Variants in NETO2 observed in about 807,000 individuals in gnomAD.
NETO2 encodes neuropilin and tolloid-like protein 2.
NETO2 carries 28 observed loss-of-function variants against 62.5 expected under a neutral mutation model. That is an observed-to-expected ratio of 0.45 (90% CI 0.33 to 0.61). NETO2 has a LOEUF of 0.61. Ranked by LOEUF, NETO2 falls within the 20% of genes least tolerant of loss-of-function variation. The pLI is 0.02. For missense variants in NETO2, 548 were observed against 643.2 expected, an observed-to-expected ratio of 0.85 and a Z score of 1.60; for synonymous variants, 214 against 219.1, an observed-to-expected ratio of 0.98 and a Z score of 0.21.
intron 6 of NETO2, among the ~76,000 whole-genome samples, chr16:47,114,474 G>T (rs1963869571): frequency 1.2e-5 from 1 of 81,148 alleles, no homozygotes. Flanking sequence ...TTTTTGAGAT[G>T]GAGTCTCGCT....
chr16:47,083,691 C>T lies in NETO2; in HGVS notation c.1108G>A (p.Val370Met). ...ATGACCTTTTTTCGAGGCTGTTTCA[C>T]TTGTACTAAAATAGAAATAATGAGA... ...VLLIISILVQ[V>M]KQPRKKVMAC... Residue 370 changes from valine (V) to methionine (M), a missense_variant, in exon 9 of 9, where the codon GTG becomes ATG. Physicochemically the swap from Val to Met is conservative, Grantham distance 21. Coordinates refer to ENST00000562435, the MANE Select transcript of NETO2 (RefSeq NM_018092.5). 1 of 1,614,164 alleles carries T rather than the reference C, an allele frequency of 6.2e-7. No individual in the cohort carries two copies. The highest frequency in any genetic ancestry group is 8.5e-7 in the Non-Finnish European group (1 of 1,180,014).
chr16:47,140,135 C>A (rs933360981), intron 1 of NETO2, among the ~76,000 whole-genome samples: 5 of 152,176 alleles, frequency 3.3e-5, no homozygotes, highest in African/African-American at 9.7e-5. Flanking sequence ...ACTGAGAGGG[C>A]AAGGCCTCCC....
intron 4 of NETO2, among the ~76,000 whole-genome samples, chr16:47,125,448 C>A (rs1050701442): frequency 2.6e-5 from 4 of 151,756 alleles, no homozygotes; most frequent in African/African-American, 9.7e-5. Flanking sequence ...CAGGTTCAAG[C>A]GATTCTCCTG....
intron 1 of NETO2, among the ~76,000 whole-genome samples, chr16:47,140,597 C>A (rs949729244): frequency 6.6e-6 from 1 of 152,076 alleles, no homozygotes; most frequent in East Asian, 1.9e-4. Context: ...TACAAAAAAA[C>A]CATTATTTAA....
chr16:47,083,444 G>A lies in NETO2; in HGVS notation c.1355C>T (p.Thr452Ile), dbSNP rs761308895. The change falls in exon 9 of 9, where the codon ACC (threonine) becomes ATC (isoleucine). Residue 452 changes from threonine to isoleucine, a missense_variant. By Grantham distance (89) the Thr-to-Ile change is moderately conservative. Coordinates refer to ENST00000562435, the MANE Select transcript of NETO2 (RefSeq NM_018092.5). ...AGGAAGTTCCATGGAACTGAGGTTG[G>A]TCCTGCTTTGTTTGACGCTGGAGGC... is the stretch of plus-strand genomic sequence containing the variant. ...SQASSVKQSR[T>I]NLSSMELPFR... The A allele has an allele frequency of 1.1e-5, 18 of 1,614,100 alleles. No homozygotes were observed. The highest frequency in any genetic ancestry group is 1.5e-5 in the Non-Finnish European group (18 of 1,180,052).
At chr16:47,131,882 A>G in intron 2 of NETO2, 87 bp downstream of exon 2, 1 of 1,115,534 alleles carries the variant, frequency 9.0e-7, no homozygotes, top group Non-Finnish European at 1.4e-6. Context: ...AGGGATTATG[A>G]AAATAGTACC....
intron 2 of NETO2, among the ~76,000 whole-genome samples, chr16:47,130,789 C>T (rs1964249793): frequency 6.6e-6 from 1 of 152,100 alleles, no homozygotes; most frequent in Non-Finnish European, 1.5e-5. Flanking sequence ...CATTTGTGTG[C>T]TTTTGTTCCA....
At chr16:47,094,263 ATTT>A (rs35543379) in intron 7 of NETO2, among the ~76,000 whole-genome samples, 3 of 137,748 alleles carry the variant, frequency 2.2e-5, no homozygotes, top group South Asian at 2.3e-4. Flanking sequence ...TATCACTTGG[ATTT>A]TTTTTTTTTT....
intron 6 of NETO2, among the ~76,000 whole-genome samples, chr16:47,112,758 G>A (rs1309268854): frequency 6.6e-6 from 1 of 152,114 alleles, no homozygotes; most frequent in East Asian, 1.9e-4. Flanking sequence ...TTTATTAAAA[G>A]CAATACAACA....
intron 1 of NETO2, among the ~76,000 whole-genome samples, chr16:47,133,893 T>C (rs555135709): frequency 2.0e-5 from 3 of 152,364 alleles, no homozygotes; most frequent in Admixed American, 6.5e-5. Flanking sequence ...TTCTGTGTTT[T>C]AGACCAATAA....
At chr16:47,089,429 A>G (rs1963266428) in intron 7 of NETO2, among the ~76,000 whole-genome samples, 1 of 152,216 alleles carries the variant, frequency 6.6e-6, no homozygotes, top group Non-Finnish European at 1.5e-5. Flanking sequence ...AATACAGTGT[A>G]TCTCAGACTT....
chr16:47,090,922 T>G (rs1010222340), intron 7 of NETO2, among the ~76,000 whole-genome samples: 5 of 151,904 alleles, frequency 3.3e-5, no homozygotes, highest in African/African-American at 1.2e-4. Flanking sequence ...GAACTGAATC[T>G]CTCATGCAGA....
Position 47,083,681 on chromosome 16 carries a change from G to T in NETO2, c.1118C>A (p.Pro373His). Residue 373 changes from proline to histidine, a missense_variant, in exon 9 of 9, where the codon CCT (proline) becomes CAT (histidine). Coordinates refer to ENST00000562435, the MANE Select transcript of NETO2 (RefSeq NM_018092.5). ...IISILVQVKQ[P>H]RKKVMACKTA... ...TTTGCAAGCCATGACCTTTTTTCGA[G>T]GCTGTTTCACTTGTACTAAAATAGA... is the stretch of plus-strand genomic sequence containing the variant. 1 of 1,614,084 alleles carries T rather than the reference G, an allele frequency of 6.2e-7. No homozygotes were observed. The highest frequency in any genetic ancestry group is 1.1e-5 in the South Asian group (1 of 91,076).
At chr16:47,138,999 C>A (rs1334307143) in intron 1 of NETO2, among the ~76,000 whole-genome samples, 1 of 152,186 alleles carries the variant, frequency 6.6e-6, no homozygotes, top group Non-Finnish European at 1.5e-5. Flanking sequence ...TTCCCAATTT[C>A]TAAATAAGCG....
rs770712047 is a variant in NETO2 at position 47,128,561 on chromosome 16, T to G, written c.245A>C (p.Gln82Pro). 1 of 1,611,738 alleles carries G rather than the reference T, an allele frequency of 6.2e-7. No individual in the cohort carries two copies. Among genetic ancestry groups the G allele is most frequent in the Non-Finnish European group, 8.5e-7 (1 of 1,179,598 alleles). ...TTCATCAAAGGTCAACTCTATTCTT[T>G]GACGTGGAGCAGCTAGAAAATAAGA... ...CIYILEAAPR[Q>P]RIELTFDEHY... The change falls in exon 4 of 9, where the codon CAA becomes CCA. Residue 82 changes from glutamine to proline, a missense_variant. Physicochemically the swap from Gln to Pro is moderately conservative, Grantham distance 76 (BLOSUM62 -1). Transcript: ENST00000562435.
At chr16:47,131,894 A>G in intron 2 of NETO2, 75 bp downstream of exon 2, 1 of 1,245,212 alleles carries the variant, frequency 8.0e-7, no homozygotes, top group Non-Finnish European at 1.2e-6. Flanking sequence ...AATAGTACCC[A>G]AAAGTTGCAA....
intron 6 of NETO2, among the ~76,000 whole-genome samples, chr16:47,121,817 T>C (rs1964046145): frequency 6.6e-6 from 1 of 152,300 alleles, no homozygotes; most frequent in Non-Finnish European, 1.5e-5. Flanking sequence ...TAATCTACAG[T>C]TCTCTCTCTT....
chr16:47,127,156 T>G (rs1388549365), intron 4 of NETO2, among the ~76,000 whole-genome samples: 1 of 152,202 alleles, frequency 6.6e-6, no homozygotes, highest in African/African-American at 2.4e-5. Flanking sequence ...GCACGAAAAA[T>G]AAAAGCAAAA....
rs1303279762 is a variant in NETO2, at chr16:47,129,650, G to C, written c.92-286C>G. Among the ~76,000 whole-genome samples, 7 of 152,132 alleles carry C rather than the reference G, an allele frequency of 4.6e-5. No homozygotes were observed. In the South Asian group the frequency reaches 1.5e-3, roughly 32 times the overall value. On this transcript the variant is annotated intron_variant, in intron 2 of 8. Transcript: ENST00000562435. ...ATGGGGGAATCTGCTAAGTCAGTAA[G>C]ATGCAATACAATTCAGTTCTAACCT...
Sources: allele counts gnomAD v4.1 joint callset (sites outside exome capture counted in the v4.1 genomes callset), GRCh38; gene constraint gnomAD v4.1.1; transcripts MANE v1.5; gene names NCBI Gene and HGNC (gene_info 2026-07-23, HGNC 2026-07-21).